Variants in SYT9 observed in about 807,000 individuals in gnomAD.
SYT9 encodes synaptotagmin 9.
Under a neutral mutation model 48.4 loss-of-function variants are expected in SYT9, and 22 were observed. That is an observed-to-expected ratio of 0.45 (90% confidence interval 0.32 to 0.65). The LOEUF (loss-of-function observed/expected upper bound fraction) is 0.65. SYT9 is among the 30% of genes least tolerant of loss of function. The probability of loss-of-function intolerance (pLI) is 0.03; values close to 1 mark genes in which losing one functional copy is unlikely to be tolerated. For missense variants in SYT9, 577 were observed against 622.0 expected, an observed-to-expected ratio of 0.93 and a Z score of 0.77; for synonymous variants, 265 against 245.0, an observed-to-expected ratio of 1.08 and a Z score of -0.76.
intron 3 of SYT9, among the ~76,000 whole-genome samples, chr11:7,364,882 G>A (rs1564877682): frequency 6.6e-6 from 1 of 152,166 alleles, no homozygotes; most frequent in Non-Finnish European, 1.5e-5. Flanking sequence ...AGATGGATGA[G>A]GGAGCAAATG....
At chr11:7,289,781 T>A (rs2133917055) in intron 1 of SYT9, among the ~76,000 whole-genome samples, 1 of 152,360 alleles carries the variant, frequency 6.6e-6, no homozygotes. Context: ...TTACTACATT[T>A]CTTGGTCATA....
At chr11:7,442,430 C>G (rs985636724) in intron 6 of SYT9, among the ~76,000 whole-genome samples, 4 of 152,152 alleles carry the variant, frequency 2.6e-5, no homozygotes, top group African/African-American at 4.8e-5. Context: ...GAGGCAAAGC[C>G]CTTCAGGCAT....
At chr11:7,370,337 T>C (rs1332782866) in intron 3 of SYT9, among the ~76,000 whole-genome samples, 1 of 152,222 alleles carries the variant, frequency 6.6e-6, no homozygotes, top group African/African-American at 2.4e-5. Context: ...TTATAAGATT[T>C]TTTTAAAGAC....
chr11:7,388,121 A>T (rs1462147442), intron 3 of SYT9, among the ~76,000 whole-genome samples: 1 of 152,194 alleles, frequency 6.6e-6, no homozygotes, highest in Non-Finnish European at 1.5e-5. Flanking sequence ...CAGTGAACCC[A>T]ACTGCACCTG....
rs1233874013 is a variant in SYT9 at position 7,251,984 on chromosome 11, C to T, written c.-203C>T. 6 of 485,004 alleles carry T rather than the reference C, an allele frequency of 1.2e-5. No homozygotes were observed. Among genetic ancestry groups the T allele is most frequent in the African/African-American group, 8.1e-5 (4 of 49,370 alleles). The allele number at this position is 485,004 out of a possible 1,614,324, so 30.0% of individuals were successfully genotyped here. ...CGGGCGGGAGAGAGAGAAAGCCTGA[C>T]CGACCGGCTGGCGAAGAGCTGCATG... On this transcript the variant is annotated 5_prime_UTR_variant, in exon 1 of 7. Transcript: ENST00000318881.
At chr11:7,377,180 A>G (rs970089849) in intron 3 of SYT9, among the ~76,000 whole-genome samples, 1 of 151,438 alleles carries the variant, frequency 6.6e-6, no homozygotes, top group African/African-American at 2.4e-5. Context: ...GAGTTCATGA[A>G]TTATGGACCC....
intron 3 of SYT9, among the ~76,000 whole-genome samples, chr11:7,391,074 T>C (rs953217204): frequency 2.0e-5 from 3 of 152,138 alleles, no homozygotes; most frequent in African/African-American, 7.2e-5. Context: ...TGAGAATACA[T>C]AATATTGGTT....
chr11:7,294,580 T>G lies in SYT9; in HGVS notation c.146-8459T>G, dbSNP rs1004913344. Among the ~76,000 whole-genome samples the G allele has an allele frequency of 3.3e-5, 5 of 152,036 alleles. No homozygotes were observed. The South Asian group carries it at 6.2e-4, about 19-fold the overall frequency. Reference sequence around the variant, plus strand: ...GGAGAAACAGAAAAGAAGAAAGAGGTAACAGGTCCTGGGTAAGTCCAAAGT... The same window carrying G: ...GGAGAAACAGAAAAGAAGAAAGAGGGAACAGGTCCTGGGTAAGTCCAAAGT... On this transcript the variant is annotated intron_variant, in intron 1 of 6. Transcript: ENST00000318881.
At chr11:7,238,889 G>T (rs753068703) in exon 1 of SYT9, 52 of 455,922 alleles carry the variant, frequency 1.1e-4, no homozygotes, top group South Asian at 8.1e-4. Flanking sequence ...GGTGGTGGAG[G>T]GAGATTTAGC....
intron 1 of SYT9, among the ~76,000 whole-genome samples, chr11:7,274,338 G>C (rs1199628477): frequency 2.3e-5 from 1 of 43,216 alleles, no homozygotes; most frequent in Admixed American, 2.2e-4. Context: ...TTTTTTTTTT[G>C]ACAGAGTCTT....
chr11:7,321,127 T>C (rs1226700205), intron 3 of SYT9, among the ~76,000 whole-genome samples: 1 of 152,184 alleles, frequency 6.6e-6, no homozygotes, highest in East Asian at 1.9e-4. Context: ...GATGCCACAG[T>C]TCTCATGTAA....
chr11:7,329,499 C>T (rs779690021), intron 3 of SYT9, among the ~76,000 whole-genome samples: 4 of 152,028 alleles, frequency 2.6e-5, no homozygotes, highest in East Asian at 1.9e-4. Context: ...TATGACTCGA[C>T]GTCACTTCTG....
intron 5 of SYT9, among the ~76,000 whole-genome samples, chr11:7,418,764 G>A (rs1244579061): frequency 6.6e-6 from 1 of 152,216 alleles, no homozygotes; most frequent in Non-Finnish European, 1.5e-5. Flanking sequence ...GTAGCCAATT[G>A]TGTATTTAAA....
At chr11:7,281,104 G>A (rs1848485232) in intron 1 of SYT9, among the ~76,000 whole-genome samples, 1 of 152,212 alleles carries the variant, frequency 6.6e-6, no homozygotes, top group African/African-American at 2.4e-5. Flanking sequence ...ACAGATATGT[G>A]ACGGGGTTAT....
At chr11:7,355,343 T>A (rs916953049) in intron 3 of SYT9, among the ~76,000 whole-genome samples, 2 of 152,226 alleles carry the variant, frequency 1.3e-5, no homozygotes, top group Non-Finnish European at 2.9e-5. Flanking sequence ...CCTTCTCACC[T>A]GGTGGGGTTA....
Position 7,467,563 on chromosome 11 carries a change from A to G in SYT9, c.*763A>G, listed in dbSNP as rs1390955855. On this transcript the variant is annotated 3_prime_UTR_variant, in exon 7 of 7. Transcript: ENST00000318881. ...CTTCCTTTCAACTGGGAGTGTTATT[A>G]GAATGAAAAGTAATTAGTTAGAAGG... 1 of 152,214 alleles carries G rather than the reference A, an allele frequency of 6.6e-6. No individual in the cohort carries two copies. Among genetic ancestry groups the G allele is most frequent in the Non-Finnish European group, 1.5e-5 (1 of 68,042 alleles). The allele number at this position is 152,214 out of a possible 1,614,324, so 9.4% of individuals were successfully genotyped here.
intron 3 of SYT9, among the ~76,000 whole-genome samples, chr11:7,356,500 G>A (rs987546556): frequency 2.0e-5 from 3 of 152,152 alleles, no homozygotes; most frequent in Admixed American, 6.5e-5. Context: ...TGCAGTGCGA[G>A]CCCTCCAGGG....
At chr11:7,401,179 A>T (rs1846884693) in intron 3 of SYT9, among the ~76,000 whole-genome samples, 1 of 152,056 alleles carries the variant, frequency 6.6e-6, no homozygotes, top group African/African-American at 2.4e-5. Context: ...ACTGTTTTAC[A>T]CACAAAATTA....
intron 3 of SYT9, among the ~76,000 whole-genome samples, chr11:7,321,716 G>A (rs771419026): frequency 6.6e-5 from 10 of 152,092 alleles, no homozygotes; most frequent in Non-Finnish European, 1.2e-4. Flanking sequence ...GTTGGCAACT[G>A]AATATATACC....
Sources: allele counts gnomAD v4.1 joint callset (sites outside exome capture counted in the v4.1 genomes callset), GRCh38; gene constraint gnomAD v4.1.1; transcripts MANE v1.5; gene names NCBI Gene and HGNC (gene_info 2026-07-23, HGNC 2026-07-21).